The following ASPG variants were observed in gnomAD, a reference collection of about 807,000 sequenced individuals.
ASPG encodes asparaginase.
ASPG carries 53 observed loss-of-function variants against 63.2 expected under a neutral mutation model. The observed-to-expected ratio is 0.84, with a 90% CI of 0.67 to 1.05. The LOEUF (loss-of-function observed/expected upper bound fraction) is 1.05, where lower values mean the gene tolerates loss of function less well. ASPG is among the 50% of genes least tolerant of loss of function. ASPG has a pLI of 0.00. For missense variants in ASPG, 741 were observed against 794.4 expected (o/e 0.93, Z 0.81); for synonymous variants, 370 against 355.0 (o/e 1.04, Z -0.48).
At chr14:104,099,252 G>A (rs1459506594) in intron 6 of ASPG, among the ~76,000 whole-genome samples, 1 of 152,194 alleles carries the variant, frequency 6.6e-6, no homozygotes, top group Non-Finnish European at 1.5e-5. Flanking sequence ...TGGCCCTCAT[G>A]TGTCCTGCCC....
rs1355721901 is a variant in ASPG at position 104,106,895 on chromosome 14, G to T, written c.1269+1G>T. On this transcript the variant is annotated splice_donor_variant, in intron 11 of 15. Transcript: ENST00000551177. LOFTEE classifies it high-confidence loss of function. ...GGCGCTGCAGGCGCTTGTGGAGCTG[G>T]TGAGCCTCCCCCACCCTGGGGGCCC... The T allele has an allele frequency of 1.3e-6, 2 of 1,571,094 alleles. No individual in the cohort carries two copies. Among genetic ancestry groups the T allele is most frequent in the African/African-American group, 2.7e-5 (2 of 74,032 alleles).
At chr14:104,096,250 A>G (rs912193945) in intron 4 of ASPG, among the ~76,000 whole-genome samples, 9 of 152,176 alleles carry the variant, frequency 5.9e-5, no homozygotes, top group Admixed American at 3.9e-4. Flanking sequence ...CTAGGGGTCC[A>G]TGTTGCCTGC....
intron 1 of ASPG, among the ~76,000 whole-genome samples, chr14:104,088,008 T>G (rs1225724031): frequency 6.6e-6 from 1 of 152,162 alleles, no homozygotes; most frequent in African/African-American, 2.4e-5. Context: ...CAGCCCGTCC[T>G]CGTGTGGCTG....
At position 104,085,840 on chromosome 14, in the gene ASPG, A is replaced by T. The variant is rs764430162; in HGVS notation, c.70A>T (p.Ser24Cys). The change falls in exon 1 of 16, where the codon AGT becomes TGT. Residue 24 changes from serine to cysteine, a missense_variant. Ser to Cys is a moderately radical substitution (Grantham distance 112). Coordinates refer to ENST00000551177, the MANE Select transcript of ASPG (RefSeq NM_001080464.3). ...CACCGGCGGCACCATTGGCATGCGG[A>T]GTGAGCTCGGCGGTGAGTCCGAGAC... ...VYTGGTIGMR[S>C]ELGVLVPGTG... 1 of 1,588,416 alleles carries T rather than the reference A, an allele frequency of 6.3e-7. No individual in the cohort carries two copies. The highest frequency in any genetic ancestry group is 8.5e-7 in the Non-Finnish European group (1 of 1,173,518).
chr14:104,094,062 G>A (rs914973985), intron 3 of ASPG, among the ~76,000 whole-genome samples: 7 of 151,966 alleles, frequency 4.6e-5, no homozygotes, highest in African/African-American at 9.7e-5. Context: ...TGGGGCCTGG[G>A]AGCATCTGGG....
rs374192220 is a variant in ASPG at position 104,104,416 on chromosome 14, G to A, written c.866G>A (p.Arg289His). 2.0e-5 allele frequency: 33 copies of A among 1,612,488 alleles called. No homozygotes were observed. The highest frequency in any genetic ancestry group is 4.5e-5 in the East Asian group (2 of 44,890). Residue 289 changes from arginine to histidine, a missense_variant, in exon 8 of 16, where the codon CGC (arginine) becomes CAC (histidine). Arg to His is a conservative substitution (Grantham distance 29, BLOSUM62 0). Transcript: ENST00000551177. ...CAGGAGCTGCGGGTGGCCACCGAGC[G>A]CGGCCTGGTCATCGTCAACTGTACC... ...LLQELRVATE[R>H]GLVIVNCTHC...
At position 104,104,334 on chromosome 14, in the gene ASPG, G is replaced by T. The variant is rs774908656; in HGVS notation, c.784G>T (p.Gly262Cys). ...VRAFLQPPLKGVVMETFGSGN... is the reference protein window; with the variant it reads ...VRAFLQPPLKCVVMETFGSGN... ...GGCCTTCTTGCAGCCTCCCCTGAAG[G>T]GCGTGGTCATGGAGACCTTCGGTTC... Residue 262 changes from glycine (G) to cysteine (C), a missense_variant, in exon 8 of 16, where the codon GGC becomes TGC. Transcript: ENST00000551177. The T allele has an allele frequency of 1.2e-6, 2 of 1,612,552 alleles. No homozygotes were observed. The highest frequency in any genetic ancestry group is 1.7e-6 in the Non-Finnish European group (2 of 1,179,754).
At chr14:104,086,677 G>A (rs2036229486) in intron 1 of ASPG, among the ~76,000 whole-genome samples, 1 of 152,110 alleles carries the variant, frequency 6.6e-6, no homozygotes, top group Non-Finnish European at 1.5e-5. Context: ...CTGCTGTGAT[G>A]TGGGGCCTCC....
intron 6 of ASPG, among the ~76,000 whole-genome samples, chr14:104,103,163 C>T (rs1268779520): frequency 2.6e-5 from 4 of 152,372 alleles, no homozygotes; most frequent in Admixed American, 6.5e-5. Flanking sequence ...CTGCCCTCCT[C>T]GCCTCTGCGC....
In ASPG at chr14:104,110,584, C is replaced by G. The variant is rs1164323371; in HGVS notation, c.1521-918C>G. ...CCTAGGGGCCGGTGTGTGTGTGGGGCTTGGCCTCTTGGAGCAGGTCCAGGA... is the reference window on the plus strand; with the variant it reads ...CCTAGGGGCCGGTGTGTGTGTGGGGGTTGGCCTCTTGGAGCAGGTCCAGGA... On this transcript the variant is annotated intron_variant, in intron 13 of 15. Transcript: ENST00000551177. This position sits in a 1 kb window ranked among gnomAD's most constrained non-coding sequence, Gnocchi z 4.7. The G allele has an allele frequency of 1.0e-6, 1 of 985,134 alleles. No homozygotes were observed. The highest frequency in any genetic ancestry group is 1.2e-6 in the Non-Finnish European group (1 of 829,852). The allele number at this position is 985,134 out of a possible 1,614,324, so 61.0% of individuals were successfully genotyped here.
intron 12 of ASPG, chr14:104,108,885 T>C (rs2141053764): frequency 6.1e-6 from 6 of 985,344 alleles, no homozygotes; most frequent in Non-Finnish European, 7.2e-6. Context: ...TGGAATGGGT[T>C]GGGGAGACTG....
chr14:104,096,952 A>G (rs1028072824), intron 4 of ASPG, among the ~76,000 whole-genome samples: 7 of 152,208 alleles, frequency 4.6e-5, no homozygotes, highest in Non-Finnish European at 7.4e-5. Flanking sequence ...CTGTTCAGTC[A>G]ACCATAGCAC....
Position 104,109,357 on chromosome 14 carries a change from G to A in ASPG, c.1520+42G>A. On this transcript the variant is annotated intron_variant, in intron 13 of 15. Transcript: ENST00000551177. This position sits in a 1 kb window ranked among gnomAD's most constrained non-coding sequence, Gnocchi z 4.8. ...CACCTGCTCTTCCAGGGATGTGGGG[G>A]ACACAGCTTGGGGAAGCGAAGCCAG... The A allele has an allele frequency of 6.4e-7, 1 of 1,560,900 alleles. No individual in the cohort carries two copies. The highest frequency in any genetic ancestry group is 8.7e-7 in the Non-Finnish European group (1 of 1,151,216).
At chr14:104,092,175 G>A (rs1678714498) in intron 1 of ASPG, among the ~76,000 whole-genome samples, 1 of 152,186 alleles carries the variant, frequency 6.6e-6, no homozygotes, top group Admixed American at 6.5e-5. Flanking sequence ...CTTCCTGGGG[G>A]TGGTGTCCCA....
intron 1 of ASPG, among the ~76,000 whole-genome samples, chr14:104,086,867 G>A (rs2036234847): frequency 6.6e-6 from 1 of 152,052 alleles, no homozygotes. Flanking sequence ...GGACGGCTGG[G>A]ACCCTCTCCG....
At chr14:104,108,300 C>A in intron 12 of ASPG, 1 of 608,422 alleles carries the variant, frequency 1.6e-6, no homozygotes, top group Non-Finnish European at 2.1e-6. Context: ...TGGGGTGATC[C>A]GGACTGGAGC....
intron 10 of ASPG, among the ~76,000 whole-genome samples, chr14:104,106,458 T>A (rs1456383279): frequency 3.3e-5 from 5 of 152,042 alleles, no homozygotes; most frequent in Non-Finnish European, 7.4e-5. Context: ...CTTATGTGGG[T>A]GACCATTCCG....
Position 104,106,564 on chromosome 14 carries a change from G to A in ASPG, c.1174-235G>A, listed in dbSNP as rs181519884. Among the ~76,000 whole-genome samples the A allele has an allele frequency of 2.6e-3, 394 of 152,286 alleles. 4 individuals are homozygous for A. The highest frequency in any genetic ancestry group is 0.021 in the Admixed American group (325 of 15,302). On this transcript the variant is annotated intron_variant, in intron 10 of 15. Coordinates refer to ENST00000551177, the MANE Select transcript of ASPG (RefSeq NM_001080464.3). ...GGGGACAGGGCTGGATGGTGGTCTC[G>A]TGGCCTGGCCTTAGCTCCAGGGGAA...
In ASPG at chr14:104,097,623, T is replaced by TA. The variant is rs537276579; in HGVS notation, c.500dup (p.Tyr167Ter). Residue 167 changes from tyrosine to a stop codon, truncating the protein, a stop_gained and frameshift_variant, in exon 5 of 16, where the codon TAT (tyrosine) becomes TAAT (stop). Coordinates refer to ENST00000551177, the MANE Select transcript of ASPG (RefSeq NM_001080464.3). LOFTEE classifies it high-confidence loss of function. ...GGGGGCACTGCTCATGGCTGGCCAG[T>TA]ATGTGATCCCAGAGGTACCTGCCTG... ...LLGALLMAGQ[Y>*]VIPEVCLFFQ... 2.2e-4 allele frequency: 346 copies of TA among 1,563,810 alleles called. 1 individual carries two copies. In the African/African-American group the frequency reaches 4.1e-3, roughly 18 times the overall value.
Sources: allele counts gnomAD v4.1 joint callset (sites outside exome capture counted in the v4.1 genomes callset), GRCh38; gene constraint gnomAD v4.1.1; non-coding constraint Gnocchi (gnomAD v3.1); transcripts MANE v1.5; gene names NCBI Gene and HGNC (gene_info 2026-07-23, HGNC 2026-07-21).